PLA2G7: variants seen among roughly 807,000 people sequenced by gnomAD.
The protein encoded by PLA2G7 is phospholipase A2 group VII.
PLA2G7 carries 63 observed loss-of-function variants against 49.6 expected under a neutral mutation model. The observed-to-expected ratio is 1.27, with a 90% CI of 1.04 to 1.57. The LOEUF is 1.57. Among genes scored for constraint, PLA2G7 ranks in the 40% most tolerant of loss-of-function variants. The probability of loss-of-function intolerance (pLI) is 0.00; values close to 1 mark genes in which losing one functional copy is unlikely to be tolerated. For synonymous variants in PLA2G7, 193 were observed against 169.9 expected, an observed-to-expected ratio of 1.14 and a Z score of -1.06; for missense variants, 596 against 521.2, an observed-to-expected ratio of 1.14 and a Z score of -1.40.
At chr6:46,706,557 G>A (rs1364535244) in intron 10 of PLA2G7, among the ~76,000 whole-genome samples, 1 of 152,210 alleles carries the variant, frequency 6.6e-6, no homozygotes, top group Non-Finnish European at 1.5e-5. Flanking sequence ...ACTCTGAAGA[G>A]GCTGCTGGTG....
At chr6:46,734,507 T>C (rs1383490213) in intron 1 of PLA2G7, among the ~76,000 whole-genome samples, 1 of 126,986 alleles carries the variant, frequency 7.9e-6, no homozygotes, top group Non-Finnish European at 1.6e-5. Flanking sequence ...AGAGAGATTG[T>C]CCCTGTAGGA....
At chr6:46,729,058 A>G (rs1482997816) in intron 1 of PLA2G7, among the ~76,000 whole-genome samples, 1 of 152,078 alleles carries the variant, frequency 6.6e-6, no homozygotes, top group East Asian at 1.9e-4. Flanking sequence ...TTATTATCCA[A>G]AGTCTACCAA....
intron 4 of PLA2G7, 130 bp downstream of exon 4, chr6:46,716,254 T>C (rs1765194986): frequency 3.3e-6 from 3 of 915,084 alleles, no homozygotes; most frequent in Non-Finnish European, 5.3e-6. Flanking sequence ...AGAAATACTT[T>C]CCTTATCATT....
chr6:46,717,121 C>T, intron 2 of PLA2G7, 25 bp from the exon 3 acceptor site: 1 of 1,597,686 alleles, frequency 6.3e-7, no homozygotes, highest in Admixed American at 1.7e-5. Context: ...AATATTATCT[C>T]ATTTGTCATC....
At chr6:46,706,762 G>T (rs1305729525) in intron 10 of PLA2G7, among the ~76,000 whole-genome samples, 1 of 152,278 alleles carries the variant, frequency 6.6e-6, no homozygotes, top group East Asian at 1.9e-4. Context: ...TTGAGGGAAG[G>T]TTAGGTGTTC....
intron 2 of PLA2G7, among the ~76,000 whole-genome samples, chr6:46,719,678 G>T (rs1343882773): frequency 6.6e-6 from 1 of 152,142 alleles, no homozygotes; most frequent in Non-Finnish European, 1.5e-5. Flanking sequence ...TCCCCTCTCT[G>T]ATCCACATTC....
At chr6:46,734,383 G>T (rs933539880) in intron 1 of PLA2G7, among the ~76,000 whole-genome samples, 1 of 143,434 alleles carries the variant, frequency 7.0e-6, no homozygotes, top group Admixed American at 7.4e-5. Flanking sequence ...AGAGGAGGCA[G>T]AGTGAGAGGT....
intron 5 of PLA2G7, among the ~76,000 whole-genome samples, chr6:46,713,667 G>A (rs528707411): frequency 2.9e-4 from 44 of 152,288 alleles, no homozygotes; most frequent in Non-Finnish European, 5.4e-4. Flanking sequence ...ATCCCTTGAA[G>A]TAGAAGAGGG....
Position 46,717,709 on chromosome 6 carries a change from C to CTTTTTT in PLA2G7, c.110-614_110-613insAAAAAA, listed in dbSNP as rs760308042. Among the ~76,000 whole-genome samples, 211 of 116,112 alleles carry CTTTTTT rather than the reference C, an allele frequency of 1.8e-3. 5 individuals are homozygous for CTTTTTT. The highest frequency in any genetic ancestry group is 3.6e-3 in the East Asian group (12 of 3,340). 76.2% of individuals were successfully genotyped at this position (116,112 alleles called of 152,430 possible). A position where few individuals can be genotyped will look rare whatever the true frequency, so the allele number is the denominator to read the frequency against. ...GGAGCCTCTATTTTCTTTCTTTTTT[C>CTTTTTT]TTTTTCTTTTTTTTTTTTTTTGAGA... On this transcript the variant is annotated intron_variant, in intron 2 of 11. Coordinates refer to ENST00000274793, the MANE Select transcript of PLA2G7 (RefSeq NM_005084.4).
intron 1 of PLA2G7, among the ~76,000 whole-genome samples, chr6:46,724,518 AATGAGTGCTCCTGAAC>A (rs1765511810): frequency 6.6e-6 from 1 of 152,250 alleles, no homozygotes; most frequent in Non-Finnish European, 1.5e-5. Context: ...TGGCACAGAC[AATGAGTGCTCCTGAAC>A]ATCTATGTGC....
intron 1 of PLA2G7, among the ~76,000 whole-genome samples, chr6:46,733,640 G>A (rs1406419510): frequency 6.6e-6 from 1 of 152,210 alleles, no homozygotes; most frequent in Non-Finnish European, 1.5e-5. Flanking sequence ...ATGCCAAGGT[G>A]GTGCGCTGTC....
At chr6:46,711,071 A>G (rs1765004819) in intron 7 of PLA2G7, among the ~76,000 whole-genome samples, 2 of 152,070 alleles carry the variant, frequency 1.3e-5, no homozygotes, top group Non-Finnish European at 2.9e-5. Flanking sequence ...TCATTATTCT[A>G]TAACAAAATT....
chr6:46,714,846 C>T (rs182679143), intron 4 of PLA2G7, among the ~76,000 whole-genome samples: 116 of 151,216 alleles, frequency 7.7e-4, no homozygotes, highest in Non-Finnish European at 2.7e-4. Context: ...AGCGATTCTC[C>T]TGCCTCAGCC....
intron 1 of PLA2G7, among the ~76,000 whole-genome samples, chr6:46,734,415 T>TGTGTGTGA (rs1765832579): frequency 1.5e-4 from 8 of 54,306 alleles, no homozygotes; most frequent in Non-Finnish European, 3.2e-4. Context: ...TGTGTGTGTG[T>TGTGTGTGA]GAGAGAGAGA....
At position 46,704,478 on chromosome 6, in the gene PLA2G7, T is replaced by TCTCTCACA. The variant is rs1441279240; in HGVS notation, c.*81_*82insTGTGAGAG. On this transcript the variant is annotated 3_prime_UTR_variant, in exon 12 of 12. Transcript: ENST00000274793. ...CTCTCTCTCTCTCTCTCTCTCTCTC[T>TCTCTCACA]CACACACACACACACACACACACAC... 306 of 87,792 alleles carry TCTCTCACA rather than the reference T, an allele frequency of 3.5e-3. 1 individual carries two copies. The highest frequency in any genetic ancestry group is 5.9e-3 in the East Asian group (14 of 2,362). The allele number at this position is 87,792 out of a possible 1,614,324, so 5.4% of individuals were successfully genotyped here.
At chr6:46,732,064 T>A (rs941825779) in intron 1 of PLA2G7, among the ~76,000 whole-genome samples, 3 of 152,176 alleles carry the variant, frequency 2.0e-5, no homozygotes, top group Admixed American at 6.5e-5. Flanking sequence ...TCTCTCATTG[T>A]AAAGAGTAAA....
Position 46,704,509 on chromosome 6 carries a change from C to CAA in PLA2G7, c.*50_*51insTT. 1.1e-6 allele frequency: 1 copy of CAA among 945,718 alleles called. No individual in the cohort carries two copies. Among genetic ancestry groups the CAA allele is most frequent in the Non-Finnish European group, 1.7e-6 (1 of 589,626 alleles). 58.6% of individuals were successfully genotyped at this position (945,718 alleles called of 1,614,324 possible). ...ACACACACACACACACACACACACA[C>CAA]ATAATTTTAGACAGTTTTGAAACAA... is the stretch of plus-strand genomic sequence containing the variant. On this transcript the variant is annotated 3_prime_UTR_variant, in exon 12 of 12. Transcript: ENST00000274793.
chr6:46,725,202 T>A (rs867946485), intron 1 of PLA2G7, among the ~76,000 whole-genome samples: 1 of 152,150 alleles, frequency 6.6e-6, no homozygotes, highest in African/African-American at 2.4e-5. Flanking sequence ...AAGACCCAGA[T>A]AGGCAGCTGG....
intron 1 of PLA2G7, among the ~76,000 whole-genome samples, chr6:46,734,932 G>C (rs184547675): frequency 4.3e-4 from 66 of 152,300 alleles, no homozygotes; most frequent in Admixed American, 1.8e-3. Context: ...TGAGCTCTTA[G>C]GGTTGCTTCC....
Sources: gnomAD v4.1 joint callset for allele counts (sites outside exome capture counted in the v4.1 genomes callset) on GRCh38, gnomAD v4.1.1 for gene constraint, MANE v1.5 for transcripts, NCBI Gene and HGNC (gene_info 2026-07-23, HGNC 2026-07-21) for gene names.